The following EFHD1 variants were observed in gnomAD, a reference collection of about 807,000 sequenced individuals.
The protein encoded by EFHD1 is EF-hand domain family member D1.
Under a neutral mutation model 17.2 loss-of-function variants are expected in EFHD1, and 10 were observed. The observed-to-expected ratio is 0.58, with a 90% CI of 0.36 to 0.99. EFHD1 has a LOEUF of 0.99. Ranked by LOEUF, EFHD1 falls within the 50% of genes least tolerant of loss-of-function variation. The pLI, the probability that EFHD1 is intolerant of heterozygous loss-of-function variation, is 0.01. For synonymous variants in EFHD1, 153 were observed against 142.0 expected (o/e 1.08, Z -0.55); for missense variants, 310 against 327.5 (o/e 0.95, Z 0.41).
intron 1 of EFHD1, among the ~76,000 whole-genome samples, chr2:232,640,388 C>T (rs1287327683): frequency 6.6e-6 from 1 of 152,130 alleles, no homozygotes; most frequent in Admixed American, 6.5e-5. Flanking sequence ...CTCCAGTGTT[C>T]CCAGCTCTGG....
At chr2:232,675,376 A>G (rs1392035418) in intron 3 of EFHD1, among the ~76,000 whole-genome samples, 1 of 152,170 alleles carries the variant, frequency 6.6e-6, no homozygotes, top group Non-Finnish European at 1.5e-5. Flanking sequence ...TCCCAGCTAC[A>G]CTAGACGCTA....
chr2:232,626,068 T>C (rs1694099549), intron 1 of EFHD1, among the ~76,000 whole-genome samples: 1 of 152,058 alleles, frequency 6.6e-6, no homozygotes, highest in African/African-American at 2.4e-5. Flanking sequence ...TGTACCTGTC[T>C]GTAGTCCCAG....
intron 3 of EFHD1, 116 bp downstream of exon 3, chr2:232,672,559 G>A (rs551853835): frequency 7.0e-7 from 1 of 1,427,748 alleles, no homozygotes; most frequent in African/African-American, 1.4e-5. Context: ...AGACCAGGAG[G>A]GTCCTCCCAG....
rs771628294 is a variant in EFHD1 at position 232,633,857 on chromosome 2, C to T, written c.153C>T (p.Ala51=). ...EPPARAPTAS[A]DAELSAQLSR... ...CCGCCCGTGCGCCCACGGCCAGCGCCGACGCGGAGCTGAGCGCCCAGCTGA... is the reference window on the plus strand; with the variant it reads ...CCGCCCGTGCGCCCACGGCCAGCGCTGACGCGGAGCTGAGCGCCCAGCTGA... The change falls in exon 1 of 4, where the codon GCC becomes GCT. Residue 51 remains alanine (A), a synonymous_variant. Transcript: ENST00000264059. 24 of 1,507,658 alleles carry T rather than the reference C, an allele frequency of 1.6e-5. No individual in the cohort carries two copies. The East Asian group carries it at 4.7e-4, about 29-fold the overall frequency. The allele number at this position is 1,507,658 out of a possible 1,614,324, so 93.4% of individuals were successfully genotyped here. A position where few individuals can be genotyped will look rare whatever the true frequency, so the allele number is the denominator to read the frequency against.
chr2:232,681,183 TA>T (rs754784752), intron 3 of EFHD1, among the ~76,000 whole-genome samples: 2 of 151,512 alleles, frequency 1.3e-5, no homozygotes, highest in African/African-American at 4.9e-5. Flanking sequence ...AAATAAAAAA[TA>T]AAAAAAATAA....
chr2:232,663,524 G>A (rs1694914546), intron 2 of EFHD1, among the ~76,000 whole-genome samples: 1 of 151,882 alleles, frequency 6.6e-6, no homozygotes, highest in Non-Finnish European at 1.5e-5. Flanking sequence ...GTGCCACCAG[G>A]CCTGGCTAAT....
intron 1 of EFHD1, among the ~76,000 whole-genome samples, chr2:232,651,113 T>C (rs1357619683): frequency 6.6e-6 from 1 of 152,100 alleles, no homozygotes; most frequent in Non-Finnish European, 1.5e-5. Flanking sequence ...CCCCGGTCAG[T>C]TGGGCCCAGG....
intron 1 of EFHD1, among the ~76,000 whole-genome samples, chr2:232,627,111 G>C (rs111829505): frequency 1.5e-5 from 2 of 137,706 alleles, no homozygotes; most frequent in South Asian, 4.6e-4. Flanking sequence ...CACACCTGTA[G>C]TCCCAGCTAC....
chr2:232,621,746 C>CCAG (rs1442493670), intron 1 of EFHD1, among the ~76,000 whole-genome samples: 1 of 152,190 alleles, frequency 6.6e-6, no homozygotes, highest in Non-Finnish European at 1.5e-5. Context: ...GCCACTGTGC[C>CCAG]TGGCCCAGTG....
intron 3 of EFHD1, among the ~76,000 whole-genome samples, chr2:232,673,969 CACGAT>C (rs1234975244): frequency 3.4e-5 from 5 of 145,816 alleles, no homozygotes; most frequent in Non-Finnish European, 7.4e-5. Context: ...AGTACAGTGG[CACGAT>C]CTTGGCTCAC....
rs770274885 is a variant in EFHD1, at chr2:232,633,950, G to T, written c.246G>T (p.Thr82=). 9 of 1,597,582 alleles carry T rather than the reference G, an allele frequency of 5.6e-6. No homozygotes were observed. The highest frequency in any genetic ancestry group is 7.6e-6 in the Non-Finnish European group (9 of 1,179,224). Residue 82 remains threonine, a synonymous_variant, in exon 1 of 4, where the codon ACG becomes ACT. Coordinates refer to ENST00000264059, the MANE Select transcript of EFHD1 (RefSeq NM_025202.4). ...PRRCRVFNPY[T]EFPEFSRRLI... Reference sequence around the variant, plus strand: ...GCTGCAGGGTCTTCAACCCCTACACGGAGTTCCCGGAGTTCAGCCGCCGCC... The same window carrying T: ...GCTGCAGGGTCTTCAACCCCTACACTGAGTTCCCGGAGTTCAGCCGCCGCC...
intron 3 of EFHD1, among the ~76,000 whole-genome samples, chr2:232,678,256 A>C (rs1190296971): frequency 6.6e-6 from 1 of 151,648 alleles, no homozygotes; most frequent in Admixed American, 6.6e-5. Context: ...ACAGAGTAAG[A>C]CTCCATCTCA....
At chr2:232,649,612 T>TA (rs1034525192) in intron 1 of EFHD1, among the ~76,000 whole-genome samples, 1 of 152,090 alleles carries the variant, frequency 6.6e-6, no homozygotes, top group African/African-American at 2.4e-5. Flanking sequence ...AGTGCTACTT[T>TA]AAAAAAATAG....
intron 1 of EFHD1, among the ~76,000 whole-genome samples, chr2:232,644,270 C>A (rs928647694): frequency 2.0e-5 from 3 of 152,158 alleles, no homozygotes; most frequent in African/African-American, 7.2e-5. Flanking sequence ...ACCCCCTCCC[C>A]AAACCTCTTT....
At chr2:232,608,367 A>G (rs1693756425) in intron 1 of EFHD1, among the ~76,000 whole-genome samples, 1 of 152,090 alleles carries the variant, frequency 6.6e-6, no homozygotes, top group Admixed American at 6.6e-5. Context: ...ATCTCAAAAT[A>G]AATAAATAAA....
intron 1 of EFHD1, among the ~76,000 whole-genome samples, chr2:232,646,130 G>T (rs1455139015): frequency 6.6e-6 from 1 of 152,184 alleles, no homozygotes; most frequent in African/African-American, 2.4e-5. Context: ...CAGAGCCCAA[G>T]ATGTCATTAC....
At chr2:232,608,197 C>T (rs1173207604) in intron 1 of EFHD1, among the ~76,000 whole-genome samples, 1 of 151,854 alleles carries the variant, frequency 6.6e-6, no homozygotes, top group African/African-American at 2.4e-5. Context: ...TGGTGAAACC[C>T]CGTCTCTACT....
rs1034559350 is a variant in EFHD1 at position 232,676,788 on chromosome 2, G to A, written c.585+4345G>A. Among the ~76,000 whole-genome samples, 7 of 152,166 alleles carry A rather than the reference G, an allele frequency of 4.6e-5. No individual in the cohort carries two copies. In the East Asian group the frequency reaches 1.2e-3, roughly 25 times the overall value. On this transcript the variant is annotated intron_variant, in intron 3 of 3. Coordinates refer to ENST00000264059, the MANE Select transcript of EFHD1 (RefSeq NM_025202.4). Reference sequence around the variant, plus strand: ...CATTTAGGCCTTTGGAGAAGAAGGTGTAATCAGAGGTATAAGGAAACCCTG... The same window carrying A: ...CATTTAGGCCTTTGGAGAAGAAGGTATAATCAGAGGTATAAGGAAACCCTG...
intron 3 of EFHD1, among the ~76,000 whole-genome samples, chr2:232,676,570 G>A (rs1329815028): frequency 6.6e-6 from 1 of 152,184 alleles, no homozygotes; most frequent in East Asian, 1.9e-4. Context: ...AGCCGGGGGT[G>A]GAGTCAGTCT....
Sources: gnomAD v4.1 joint callset for allele counts (sites outside exome capture counted in the v4.1 genomes callset) on GRCh38, gnomAD v4.1.1 for gene constraint, MANE v1.5 for transcripts, NCBI Gene and HGNC (gene_info 2026-07-23, HGNC 2026-07-21) for gene names.